Variants in CAMK2D observed in about 807,000 individuals in gnomAD.
CAMK2D encodes the protein calcium/calmodulin-dependent protein kinase type II subunit delta.
Under a neutral mutation model 84.0 loss-of-function variants are expected in CAMK2D, and 37 were observed. The ratio of observed to expected loss-of-function variants is 0.44; its 90% CI spans 0.34 to 0.58. CAMK2D has a LOEUF of 0.58. Ranked by LOEUF, CAMK2D falls within the 20% of genes least tolerant of loss-of-function variation. The pLI, the probability that CAMK2D is intolerant of heterozygous loss-of-function variation, is 0.02. For synonymous variants in CAMK2D, 202 were observed against 212.5 expected (o/e 0.95, Z 0.43); for missense variants, 448 against 652.5 (o/e 0.69, Z 3.41).
intron 2 of CAMK2D, among the ~76,000 whole-genome samples, chr4:113,684,157 A>G (rs140315123): frequency 6.6e-6 from 1 of 152,358 alleles, no homozygotes; most frequent in Non-Finnish European, 1.5e-5. Context: ...GGAGTACACA[A>G]TGGAACCAGA....
In CAMK2D at chr4:113,503,974, TC is replaced by T. The variant is rs199915090; in HGVS notation, c.1045-998del. On this transcript the variant is annotated intron_variant, in intron 14 of 20. Transcript: ENST00000511664. ...CTGCTGTAATATTGAGAGACATATCTCCTGCTTCCATTCTCCCTTTCCCTTG... is the reference window on the plus strand; with the variant it reads ...CTGCTGTAATATTGAGAGACATATCTCTGCTTCCATTCTCCCTTTCCCTTG... Among the ~76,000 whole-genome samples the T allele has an allele frequency of 3.5e-3, 533 of 152,308 alleles. 3 individuals carry two copies. Among genetic ancestry groups the T allele is most frequent in the African/African-American group, 0.012 (514 of 41,564 alleles).
At chr4:113,674,143 A>G (rs2099307932) in intron 2 of CAMK2D, among the ~76,000 whole-genome samples, 1 of 152,212 alleles carries the variant, frequency 6.6e-6, no homozygotes, top group South Asian at 2.1e-4. Flanking sequence ...TAGGTAGATT[A>G]TACTAAAGCA....
At chr4:113,524,397 C>T (rs1653038683) in intron 8 of CAMK2D, among the ~76,000 whole-genome samples, 1 of 152,054 alleles carries the variant, frequency 6.6e-6, no homozygotes, top group African/African-American at 2.4e-5. Context: ...AATATTTGTG[C>T]TTTTGTAACT....
chr4:113,571,699 C>A (rs2098754365), intron 4 of CAMK2D, among the ~76,000 whole-genome samples: 1 of 152,142 alleles, frequency 6.6e-6, no homozygotes, highest in African/African-American at 2.4e-5. Flanking sequence ...CATGGCAAAA[C>A]CCCATCTCTA....
At chr4:113,598,184 CAA>C (rs1369065203) in intron 4 of CAMK2D, among the ~76,000 whole-genome samples, 1 of 152,042 alleles carries the variant, frequency 6.6e-6, no homozygotes, top group Non-Finnish European at 1.5e-5. Context: ...AAAGAACAAA[CAA>C]AGAGATCAAC....
intron 2 of CAMK2D, among the ~76,000 whole-genome samples, chr4:113,689,014 G>C (rs1322068649): frequency 6.6e-6 from 1 of 151,610 alleles, no homozygotes; most frequent in African/African-American, 2.4e-5. Flanking sequence ...GGAGGCCAAG[G>C]CGGGCAGATC....
At chr4:113,536,517 TG>T (rs1368386219) in intron 7 of CAMK2D, among the ~76,000 whole-genome samples, 1 of 152,116 alleles carries the variant, frequency 6.6e-6, no homozygotes, top group African/African-American at 2.4e-5. Context: ...AAATCAGAAA[TG>T]AAGGGCATTA....
chr4:113,718,242 A>T (rs765081162), intron 2 of CAMK2D, among the ~76,000 whole-genome samples: 2 of 152,124 alleles, frequency 1.3e-5, no homozygotes, highest in Non-Finnish European at 2.9e-5. Flanking sequence ...TATTACTCAA[A>T]TCAGTCTTCC....
intron 2 of CAMK2D, among the ~76,000 whole-genome samples, chr4:113,681,402 C>A (rs986160980): frequency 6.6e-6 from 1 of 152,102 alleles, no homozygotes; most frequent in Non-Finnish European, 1.5e-5. Context: ...CTCTCTCCTG[C>A]CGCCATGTGA....
At chr4:113,572,320 C>G (rs528910148) in intron 4 of CAMK2D, among the ~76,000 whole-genome samples, 1 of 151,972 alleles carries the variant, frequency 6.6e-6, no homozygotes, top group South Asian at 2.1e-4. Flanking sequence ...ACATTAAAAG[C>G]CCTCTGAGAC....
At chr4:113,678,906 A>C (rs1486209043) in intron 2 of CAMK2D, among the ~76,000 whole-genome samples, 1 of 152,178 alleles carries the variant, frequency 6.6e-6, no homozygotes, top group Admixed American at 6.5e-5. Flanking sequence ...CAGCACACAG[A>C]TCAAGAAACA....
chr4:113,750,629 G>C (rs558469456), intron 2 of CAMK2D, among the ~76,000 whole-genome samples: 132 of 152,274 alleles, frequency 8.7e-4, no homozygotes, highest in Middle Eastern at 3.4e-3. Context: ...CAAAGCGAGT[G>C]CTAAAAGATC....
intron 16 of CAMK2D, among the ~76,000 whole-genome samples, chr4:113,496,905 CT>C (rs2154145739): frequency 6.6e-6 from 1 of 152,194 alleles, no homozygotes; most frequent in Non-Finnish European, 1.5e-5. Flanking sequence ...AACACATTGC[CT>C]TGGAGAAAGA....
chr4:113,754,387 C>T (rs1371835131), intron 2 of CAMK2D: 2 of 978,802 alleles, frequency 2.0e-6, no homozygotes, highest in Non-Finnish European at 2.4e-6. Context: ...GTTAGATGCC[C>T]AAGAAAAGCC....
intron 4 of CAMK2D, among the ~76,000 whole-genome samples, chr4:113,606,450 G>A (rs1276678281): frequency 4.7e-5 from 7 of 150,306 alleles, no homozygotes; most frequent in Non-Finnish European, 4.4e-5. Context: ...AGCCTGAATC[G>A]CACCACTGCA....
intron 2 of CAMK2D, among the ~76,000 whole-genome samples, chr4:113,727,507 A>G (rs901315694): frequency 6.6e-6 from 1 of 152,198 alleles, no homozygotes; most frequent in African/African-American, 2.4e-5. Flanking sequence ...ACCTCATATT[A>G]TACACAAAAG....
chr4:113,555,673 C>T (rs2098659653), intron 4 of CAMK2D, among the ~76,000 whole-genome samples: 1 of 152,196 alleles, frequency 6.6e-6, no homozygotes, highest in Non-Finnish European at 1.5e-5. Context: ...TCATCCGCGT[C>T]ACCTGCATGG....
chr4:113,563,360 G>A (rs541010746), intron 4 of CAMK2D, among the ~76,000 whole-genome samples: 20 of 152,194 alleles, frequency 1.3e-4, no homozygotes, highest in Non-Finnish European at 2.2e-4. Flanking sequence ...TGCAAACCAG[G>A]CACTCTAGAT....
At chr4:113,505,939 T>C (rs747714735) in intron 13 of CAMK2D, among the ~76,000 whole-genome samples, 3 of 152,106 alleles carry the variant, frequency 2.0e-5, no homozygotes, top group Non-Finnish European at 4.4e-5. Context: ...TAATAATCAA[T>C]CAACATTCTT....
Sources: allele counts gnomAD v4.1 joint callset (sites outside exome capture counted in the v4.1 genomes callset), GRCh38; gene constraint gnomAD v4.1.1; transcripts MANE v1.5; gene names NCBI Gene and HGNC (gene_info 2026-07-23, HGNC 2026-07-21).